ZNF521: variants seen among roughly 807,000 people sequenced by gnomAD.
ZNF521 encodes zinc finger protein 521.
A neutral mutation model predicts 105.5 loss-of-function variants in ZNF521; 14 were observed. The observed-to-expected ratio is 0.13, with a 90% confidence interval of 0.09 to 0.21. ZNF521 has a LOEUF of 0.21. ZNF521 is among the 10% of genes least tolerant of loss of function. The pLI, the probability that ZNF521 is intolerant of heterozygous loss-of-function variation, is 1.00. For missense variants in ZNF521, 1,233 were observed against 1,629.7 expected, an observed-to-expected ratio of 0.76 and a Z score of 4.19; for synonymous variants, 635 against 606.0, an observed-to-expected ratio of 1.05 and a Z score of -0.70.
chr18:25,184,227 AT>A (rs1255612751), intron 5 of ZNF521, among the ~76,000 whole-genome samples: 1 of 152,162 alleles, frequency 6.6e-6, no homozygotes, highest in Non-Finnish European at 1.5e-5. Context: ...ACATTAAAAT[AT>A]TTCTAACTAC....
chr18:25,277,200 G>T (rs1196534752), intron 3 of ZNF521, among the ~76,000 whole-genome samples: 1 of 150,862 alleles, frequency 6.6e-6, no homozygotes, highest in African/African-American at 2.4e-5. Flanking sequence ...AAAAAAAAGT[G>T]TATCTATTAC....
At chr18:25,169,034 T>C (rs765953998) in intron 5 of ZNF521, among the ~76,000 whole-genome samples, 1 of 152,088 alleles carries the variant, frequency 6.6e-6, no homozygotes, top group Non-Finnish European at 1.5e-5. Flanking sequence ...GTTTCCACAA[T>C]TATTCCTCCT....
intron 5 of ZNF521, among the ~76,000 whole-genome samples, chr18:25,178,711 A>G (rs2035575747): frequency 1.3e-5 from 2 of 152,234 alleles, no homozygotes; most frequent in East Asian, 3.8e-4. Context: ...AAATCTTTTA[A>G]TGGAAAGATC....
chr18:25,184,984 C>T (rs1003525606), intron 5 of ZNF521, among the ~76,000 whole-genome samples: 8 of 152,038 alleles, frequency 5.3e-5, no homozygotes, highest in African/African-American at 1.2e-4. Flanking sequence ...AGACCAGGGG[C>T]GGGAAACAGG....
chr18:25,205,141 T>TAAAAAAAAAAAAAAAAAAA (rs34563599), intron 4 of ZNF521, among the ~76,000 whole-genome samples: 2 of 74,934 alleles, frequency 2.7e-5, no homozygotes, highest in African/African-American at 6.2e-5. Flanking sequence ...GTAGTGAAGG[T>TAAAAAAAAAAAAAAAAAAA]AAAAAAAAAA....
At chr18:25,279,612 T>C (rs889784026) in intron 3 of ZNF521, among the ~76,000 whole-genome samples, 11 of 152,222 alleles carry the variant, frequency 7.2e-5, no homozygotes, top group Non-Finnish European at 1.5e-4. Context: ...GGTTGTGATG[T>C]GGTATTCAAC....
At chr18:25,329,768 T>C (rs8096028) in intron 2 of ZNF521, among the ~76,000 whole-genome samples, 14,041 of 152,164 alleles carry the variant, frequency 0.092, 1,069 homozygotes, top group East Asian at 0.38. Flanking sequence ...AATGATCTGA[T>C]TGACATTTTA....
At chr18:25,117,795 T>C (rs2034357991) in intron 5 of ZNF521, among the ~76,000 whole-genome samples, 1 of 151,938 alleles carries the variant, frequency 6.6e-6, no homozygotes, top group Non-Finnish European at 1.5e-5. Context: ...GTAGTTTTAA[T>C]GTGAGAAAGA....
chr18:25,163,339 G>A (rs1454591754), intron 5 of ZNF521, among the ~76,000 whole-genome samples: 8 of 152,162 alleles, frequency 5.3e-5, no homozygotes, highest in Admixed American at 5.2e-4. Context: ...ATAATAAGCT[G>A]ATGGCAGTAT....
chr18:25,063,682 G>T (rs145720439), intron 7 of ZNF521, among the ~76,000 whole-genome samples: 12 of 152,218 alleles, frequency 7.9e-5, no homozygotes, highest in African/African-American at 2.9e-4. Context: ...AACCTGGTTC[G>T]CCAGGAACCA....
At chr18:25,166,032 C>A (rs2035335073) in intron 5 of ZNF521, among the ~76,000 whole-genome samples, 1 of 152,140 alleles carries the variant, frequency 6.6e-6, no homozygotes, top group Non-Finnish European at 1.5e-5. Flanking sequence ...CGCTTCTAGT[C>A]TCTCCTGTCA....
In ZNF521 at chr18:25,224,432, T is replaced by C. The variant is rs142277002; in HGVS notation, c.3486A>G (p.Arg1162=). The C allele has an allele frequency of 2.7e-4, 441 of 1,613,986 alleles. No homozygotes were observed. Among genetic ancestry groups the C allele is most frequent in the Non-Finnish European group, 3.6e-4 (425 of 1,180,006 alleles). The change falls in exon 4 of 8, where the codon CGA becomes CGG. Residue 1162 remains arginine (R), a synonymous_variant. Transcript: ENST00000361524. The part of the protein sequence containing the change: ...ELQNHIQTIH[R]ELVPDSNSTQ... The stretch of plus-strand genomic sequence containing the variant: ...TGCTGTTGCTGTCTGGCACGAGCTC[T>C]CGGTGGATGGTTTGGATGTGGTTCT...
chr18:25,239,395 GA>G (rs1907151397), intron 3 of ZNF521, among the ~76,000 whole-genome samples: 1 of 152,176 alleles, frequency 6.6e-6, no homozygotes, highest in Non-Finnish European at 1.5e-5. Context: ...GTGTGTACAT[GA>G]AAAAGTCTGT....
At chr18:25,292,669 T>A (rs940614851) in intron 3 of ZNF521, among the ~76,000 whole-genome samples, 2 of 152,154 alleles carry the variant, frequency 1.3e-5, no homozygotes. Context: ...AACAGCCCCA[T>A]TAGACATGAC....
intron 3 of ZNF521, among the ~76,000 whole-genome samples, chr18:25,279,430 A>G (rs944655529): frequency 6.6e-6 from 1 of 152,228 alleles, no homozygotes; most frequent in African/African-American, 2.4e-5. Context: ...AAATTCATTC[A>G]AAAACAAATG....
At chr18:25,209,194 C>T (rs184479914) in intron 4 of ZNF521, among the ~76,000 whole-genome samples, 17 of 151,884 alleles carry the variant, frequency 1.1e-4, no homozygotes, top group African/African-American at 3.6e-4. Context: ...TGCAGTGGCG[C>T]GATCTTGGCT....
rs1192609094 is a variant in ZNF521 at position 25,227,746 on chromosome 18, G to A, written c.221-49C>T. On this transcript the variant is annotated intron_variant, in intron 3 of 7. Coordinates refer to ENST00000361524, the MANE Select transcript of ZNF521 (RefSeq NM_015461.3). The surrounding 1 kb of genome is among the most constrained non-coding windows in gnomAD (Gnocchi z 5.7). ...TTTCATCTGACATGTTGAGATTCAA[G>A]AGTGAGTTTACCGTAGCATTTCAAC... 1.3e-6 allele frequency: 2 copies of A among 1,515,890 alleles called. No individual in the cohort carries two copies. Among genetic ancestry groups the A allele is most frequent in the Non-Finnish European group, 1.8e-6 (2 of 1,115,596 alleles). 93.9% of individuals were successfully genotyped at this position (1,515,890 alleles called of 1,614,324 possible). A position where few individuals can be genotyped will look rare whatever the true frequency, so the allele number is the denominator to read the frequency against.
chr18:25,295,975 T>C (rs893834786), intron 3 of ZNF521, among the ~76,000 whole-genome samples: 2 of 152,234 alleles, frequency 1.3e-5, no homozygotes, highest in African/African-American at 4.8e-5. Flanking sequence ...TTTTGCTAAT[T>C]TGACAGATAT....
intron 3 of ZNF521, among the ~76,000 whole-genome samples, chr18:25,279,835 T>C (rs1053789019): frequency 1.3e-5 from 2 of 152,188 alleles, no homozygotes; most frequent in South Asian, 2.1e-4. Flanking sequence ...CATGGAATTA[T>C]ATATAGAATA....
Sources: allele counts gnomAD v4.1 joint callset (sites outside exome capture counted in the v4.1 genomes callset), GRCh38; gene constraint gnomAD v4.1.1; non-coding constraint Gnocchi (gnomAD v3.1); transcripts MANE v1.5; gene names NCBI Gene and HGNC (gene_info 2026-07-23, HGNC 2026-07-21).